Variants in TMEM230 observed in about 807,000 individuals in gnomAD.
TMEM230 encodes UPF0414 transmembrane protein C20orf30.
In TMEM230, 10 loss-of-function variants were observed where a neutral mutation model predicts 15.8. That is an observed-to-expected ratio of 0.63 (90% CI 0.39 to 1.07). The LOEUF is 1.07. TMEM230 is among the 50% of genes least tolerant of loss of function. The probability of loss-of-function intolerance (pLI) is 0.01; values close to 1 mark genes in which losing one functional copy is unlikely to be tolerated. For missense variants in TMEM230, 165 were observed against 193.3 expected, an observed-to-expected ratio of 0.85 and a Z score of 0.87; for synonymous variants, 67 against 76.9, an observed-to-expected ratio of 0.87 and a Z score of 0.68.
rs1600433530 is a variant in TMEM230, at chr20:5,112,831, A to G, written c.68+130T>C. 2.0e-6 allele frequency: 3 copies of G among 1,529,456 alleles called. No individual in the cohort carries two copies. The Admixed American group carries it at 6.0e-5, about 31-fold the overall frequency. The allele number at this position is 1,529,456 out of a possible 1,614,324, so 94.7% of individuals were successfully genotyped here. A position where few individuals can be genotyped will look rare whatever the true frequency, so the allele number is the denominator to read the frequency against. On this transcript the variant is annotated intron_variant, in intron 1 of 4. Transcript: ENST00000342308. ...AAAACGGGCTTCTGGAAAGAGGCCA[A>G]CTGTGCCAGGGGGGACGAATGCCCC...
At chr20:5,086,396 A>C (rs1331502841) in intron 3 of TMEM230, among the ~76,000 whole-genome samples, 1 of 151,786 alleles carries the variant, frequency 6.6e-6, no homozygotes, top group Non-Finnish European at 1.5e-5. Flanking sequence ...AAAATTAGCC[A>C]GGCGTGGTGG....
chr20:5,095,094 T>C (rs1285030738), downstream of TMEM230, among the ~76,000 whole-genome samples: 3 of 152,310 alleles, frequency 2.0e-5, no homozygotes, highest in South Asian at 4.1e-4. Context: ...GGGCAAACTC[T>C]GTAGACATTA....
chr20:5,084,216 T>C (rs1009119534), intron 3 of TMEM230, among the ~76,000 whole-genome samples: 1 of 151,316 alleles, frequency 6.6e-6, no homozygotes, highest in Non-Finnish European at 1.5e-5. Flanking sequence ...CTGCATAATA[T>C]TCTATTTTAA....
chr20:5,100,087 A>C lies in TMEM230; in HGVS notation c.*704T>G. On this transcript the variant is annotated 3_prime_UTR_variant, in exon 5 of 5. Coordinates refer to ENST00000342308, the MANE Select transcript of TMEM230 (RefSeq NM_001009923.2). ...TACATGTTTCATTAGGAAACAGCCA[A>C]AAGTCCGGCCGTTAAAGGAATAATC... 2.0e-6 allele frequency: 2 copies of C among 985,434 alleles called. No homozygotes were observed. Among genetic ancestry groups the C allele is most frequent in the Non-Finnish European group, 2.4e-6 (2 of 829,942 alleles). The allele number at this position is 985,434 out of a possible 1,614,324, so 61.0% of individuals were successfully genotyped here.
At chr20:5,075,329 T>C (rs939819431) in intron 3 of TMEM230, among the ~76,000 whole-genome samples, 3 of 151,724 alleles carry the variant, frequency 2.0e-5, no homozygotes, top group South Asian at 2.1e-4. Context: ...CCTCCCAAAG[T>C]GCTGGGATTA....
At chr20:5,112,638 C>G in intron 1 of TMEM230, 1 of 1,285,748 alleles carries the variant, frequency 7.8e-7, no homozygotes, top group Non-Finnish European at 9.9e-7. Flanking sequence ...CCGCTACCCC[C>G]AAACTCCCTC....
At chr20:5,068,246 C>T (rs184947233), downstream of TMEM230, 11 of 152,306 alleles carry the variant, frequency 7.2e-5, no homozygotes, top group African/African-American at 2.4e-4. Flanking sequence ...CACCTGTGTT[C>T]CATTGGTCAG....
chr20:5,109,581 A>G lies in TMEM230; in HGVS notation c.175-136T>C, dbSNP rs1374536880. 4 of 669,884 alleles carry G rather than the reference A, an allele frequency of 6.0e-6. No individual in the cohort carries two copies. In the South Asian group the frequency reaches 6.8e-5, roughly 11 times the overall value. 41.5% of individuals were successfully genotyped at this position (669,884 alleles called of 1,614,324 possible). On this transcript the variant is annotated intron_variant, in intron 2 of 4. Coordinates refer to ENST00000342308, the MANE Select transcript of TMEM230 (RefSeq NM_001009923.2). The stretch of plus-strand genomic sequence containing the variant: ...GTCAGACTAGCAATGGGCAATTTAC[A>G]CTTCACTGCTAAATTTTCATTGTGT...
At chr20:5,075,395 G>C (rs1047953412) in intron 3 of TMEM230, among the ~76,000 whole-genome samples, 1 of 151,436 alleles carries the variant, frequency 6.6e-6, no homozygotes, top group Non-Finnish European at 1.5e-5. Context: ...AACACAGATA[G>C]TACTCCAGTA....
exon 4 of TMEM230, chr20:5,069,262 C>G (rs1431180543): frequency 6.5e-7 from 1 of 1,535,872 alleles, no homozygotes; most frequent in Non-Finnish European, 8.7e-7. Context: ...GGACTCCTCC[C>G]ACTGATGCCT....
chr20:5,106,199 T>C lies in TMEM230; in HGVS notation c.400A>G (p.Ile134Val), dbSNP rs868166879. The C allele has an allele frequency of 1.9e-6, 3 of 1,610,290 alleles. No individual in the cohort carries two copies. The highest frequency in any genetic ancestry group is 1.7e-6 in the Non-Finnish European group (2 of 1,179,062). The change falls in exon 4 of 5, where the codon ATC (isoleucine) becomes GTC (valine). Residue 134 changes from isoleucine to valine, a missense_variant. Transcript: ENST00000342308. ...GCCCGTCAGCTTACCCCTTTGCTGA[T>C]GTAGCCTGACAGCAGGAGGGAGCCT...
intron 3 of TMEM230, among the ~76,000 whole-genome samples, chr20:5,107,204 A>T (rs567914073): frequency 5.9e-5 from 9 of 152,186 alleles, no homozygotes; most frequent in Non-Finnish European, 1.3e-4. Context: ...TGGGACGCTA[A>T]GCTGGGAGGA....
chr20:5,112,509 G>A (rs1045622110), intron 1 of TMEM230, among the ~76,000 whole-genome samples: 4 of 152,250 alleles, frequency 2.6e-5, no homozygotes, highest in Non-Finnish European at 5.9e-5. Flanking sequence ...GCAGGGGCGT[G>A]AGGGAGAGGG....
At chr20:5,092,295 G>A (rs2089532106) in intron 3 of TMEM230, among the ~76,000 whole-genome samples, 1 of 152,098 alleles carries the variant, frequency 6.6e-6, no homozygotes, top group African/African-American at 2.4e-5. Flanking sequence ...CTCGATCCTG[G>A]GCCAGCATCA....
intron 3 of TMEM230, among the ~76,000 whole-genome samples, chr20:5,085,835 T>A (rs1199694190): frequency 6.6e-6 from 1 of 152,046 alleles, no homozygotes; most frequent in African/African-American, 2.4e-5. Flanking sequence ...TAAAGGACTC[T>A]CCAATATCTC....
At chr20:5,062,984 C>A in the TMEM230 span, among the ~76,000 whole-genome samples, 1 of 152,088 alleles carries the variant, frequency 6.6e-6, no homozygotes, top group East Asian at 1.9e-4. Context: ...CTGCTCCCTG[C>A]ATTCTGAGCA....
In TMEM230 at chr20:5,071,633, A is replaced by AC. The variant is rs1220516345; in HGVS notation, c.223-2285_223-2284insG. 2.3e-4 allele frequency among the ~76,000 whole-genome samples: 3 copies of AC among 13,104 alleles called. No homozygotes were observed. The Non-Finnish European group carries it at 2.4e-3, about 11-fold the overall frequency. 8.6% of individuals were successfully genotyped at this position (13,104 alleles called of 152,430 possible). ...AGCGAAACTCCGTCTCAAAAAAAAA[A>AC]AAAAACAAAAAGGGTACATAGATTT... On this transcript the variant is annotated intron_variant, in intron 3 of 3. Coordinates refer to the TMEM230 transcript ENST00000612323.
At chr20:5,094,209 G>A (rs1380449605) in intron 3 of TMEM230, among the ~76,000 whole-genome samples, 14 of 150,522 alleles carry the variant, frequency 9.3e-5, no homozygotes, top group African/African-American at 2.9e-4. Context: ...CGCCTGCCTC[G>A]GCCTCCCAAA....
chr20:5,088,261 G>A, intron 3 of TMEM230, among the ~76,000 whole-genome samples: 1 of 147,558 alleles, frequency 6.8e-6, no homozygotes, highest in East Asian at 2.0e-4. Context: ...GTGAGCCGAG[G>A]TCGTGCCACT....
Sources: gnomAD v4.1 joint callset for allele counts (sites outside exome capture counted in the v4.1 genomes callset) on GRCh38, gnomAD v4.1.1 for gene constraint, MANE v1.5 for transcripts, NCBI Gene and HGNC (gene_info 2026-07-23, HGNC 2026-07-21) for gene names.